The following BBS9 variants were observed in gnomAD, a reference collection of about 807,000 sequenced individuals.
The protein encoded by BBS9 is Bardet-Biedl syndrome 9.
Under a neutral mutation model 117.7 loss-of-function variants are expected in BBS9, and 89 were observed. The observed-to-expected ratio is 0.76, with a 90% CI of 0.64 to 0.90. BBS9 has a LOEUF of 0.90. Among genes scored for constraint, BBS9 ranks in the 40% least tolerant of loss-of-function variants. The pLI is 0.00. For missense variants in BBS9, 982 were observed against 1,042.2 expected, an observed-to-expected ratio of 0.94 and a Z score of 0.80; for synonymous variants, 379 against 370.9, an observed-to-expected ratio of 1.02 and a Z score of -0.25.
At position 33,273,200 on chromosome 7, in the gene BBS9, G is replaced by C; in HGVS notation, c.886+5G>C. The stretch of plus-strand genomic sequence containing the variant: ...GTTTTCTGCCATATTGCTCAGGTGT[G>C]TAGAAAGATTTTCTTTTATCTCTTC... On this transcript the variant is annotated splice_donor_5th_base_variant and intron_variant, in intron 8 of 22. Transcript: ENST00000242067. 1 of 1,613,516 alleles carries C rather than the reference G, an allele frequency of 6.2e-7. No individual in the cohort carries two copies. The highest frequency in any genetic ancestry group is 8.5e-7 in the Non-Finnish European group (1 of 1,179,644).
downstream of BBS9, among the ~76,000 whole-genome samples, chr7:33,611,017 C>T (rs543809020): frequency 2.0e-5 from 3 of 151,986 alleles, no homozygotes; most frequent in Admixed American, 1.3e-4. Context: ...GCTGAAGGGT[C>T]GGTTTTAGAT....
At position 33,534,010 on chromosome 7, in the gene BBS9, G is replaced by C. The variant is rs1403362656; in HGVS notation, c.2355G>C (p.Ser785=). The C allele has an allele frequency of 1.9e-6, 3 of 1,614,058 alleles. No homozygotes were observed. Among genetic ancestry groups the C allele is most frequent in the African/African-American group, 1.3e-5 (1 of 74,924 alleles). ...CCCACCTGTTGAAGACTTGCCTGTC[G>C]AAGAGTTCTAAGGAGCAGGCTTTGA... is the stretch of plus-strand genomic sequence containing the variant. The part of the protein sequence containing the change: ...AISHLLKTCL[S]KSSKEQALNL... Residue 785 remains serine (S), a synonymous_variant, in exon 21 of 23, where the codon TCG becomes TCC. Transcript: ENST00000242067.
chr7:33,561,677 C>T (rs1039418035), intron 21 of BBS9, among the ~76,000 whole-genome samples: 6 of 151,406 alleles, frequency 4.0e-5, no homozygotes, highest in Non-Finnish European at 7.4e-5. Flanking sequence ...GAGAATTAAA[C>T]GGAGTCAAAA....
chr7:33,420,743 G>A (rs555492789), intron 19 of BBS9, among the ~76,000 whole-genome samples: 21 of 152,164 alleles, frequency 1.4e-4, no homozygotes, highest in Non-Finnish European at 1.6e-4. Context: ...CAAAAGAAGC[G>A]GTCATTCCAG....
chr7:33,327,156 A>T (rs1813025843), intron 9 of BBS9, among the ~76,000 whole-genome samples: 1 of 152,130 alleles, frequency 6.6e-6, no homozygotes, highest in Non-Finnish European at 1.5e-5. Flanking sequence ...TCAGTTTCCT[A>T]CCACTTGGAT....
chr7:33,594,714 A>C (rs1024465602), intron 21 of BBS9, among the ~76,000 whole-genome samples: 5 of 152,118 alleles, frequency 3.3e-5, no homozygotes, highest in Non-Finnish European at 7.4e-5. Context: ...AATGGTGTCA[A>C]CCTGATTCAC....
chr7:33,634,222 A>G (rs1866036796), intron 21 of BBS9, among the ~76,000 whole-genome samples: 1 of 152,164 alleles, frequency 6.6e-6, no homozygotes, highest in South Asian at 2.1e-4. Context: ...ACAAGGCTCA[A>G]TTTTGGCTAA....
chr7:33,525,055 G>A (rs200127662), intron 20 of BBS9, among the ~76,000 whole-genome samples: 31,849 of 151,310 alleles, frequency 0.21, 4,066 homozygotes, highest in East Asian at 0.43. Context: ...GTAGTTGAGC[G>A]GTTTTGAGTG....
In BBS9 at chr7:33,556,020, T is replaced by A. The variant is rs188780990; in HGVS notation, c.2521+21844T>A. ...GTGGGTACAAAATACATGATTACTA[T>A]TTTTGTTTATCTAACTGATCACACT... On this transcript the variant is annotated intron_variant, in intron 21 of 22. Transcript: ENST00000242067. 7.1e-4 allele frequency among the ~76,000 whole-genome samples: 108 copies of A among 152,308 alleles called. 1 individual carries two copies. The South Asian group carries it at 0.015, about 21-fold the overall frequency.
chr7:33,438,142 T>TA lies in BBS9; in HGVS notation c.2115+50004dup, dbSNP rs1315220412. Among the ~76,000 whole-genome samples, 4 of 152,244 alleles carry TA rather than the reference T, an allele frequency of 2.6e-5. No individual in the cohort carries two copies. The East Asian group carries it at 5.8e-4, about 22-fold the overall frequency. On this transcript the variant is annotated intron_variant, in intron 19 of 22. Coordinates refer to ENST00000242067, the MANE Select transcript of BBS9 (RefSeq NM_198428.3). The stretch of plus-strand genomic sequence containing the variant: ...ACTAAACCAATTGGCTATCTATATA[T>TA]AAAAAATGCAATTGGATCCTTACCT...
intron 9 of BBS9, among the ~76,000 whole-genome samples, chr7:33,287,994 G>A (rs1803221392): frequency 6.6e-6 from 1 of 152,102 alleles, no homozygotes; most frequent in South Asian, 2.1e-4. Context: ...AGCTGCACAG[G>A]TAAGAAAGGA....
chr7:33,140,525 T>A (rs1477156721), intron 1 of BBS9, among the ~76,000 whole-genome samples: 1 of 152,166 alleles, frequency 6.6e-6, no homozygotes, highest in Non-Finnish European at 1.5e-5. Flanking sequence ...ATTTCAAGTG[T>A]GAATTTGGGT....
downstream of BBS9, among the ~76,000 whole-genome samples, chr7:33,607,214 A>G (rs1434246824): frequency 6.6e-6 from 1 of 152,264 alleles, no homozygotes; most frequent in African/African-American, 2.4e-5. Flanking sequence ...AAAGAAGTCA[A>G]CAAGTCATAG....
In BBS9 at chr7:33,143,055, T is replaced by G. The variant is rs10237088; in HGVS notation, c.-11-3187T>G. On this transcript the variant is annotated intron_variant, in intron 1 of 22. Transcript: ENST00000242067. Reference sequence around the variant, plus strand: ...CGCGATCTCGGCTCACTGCAACCTCTGCCTCCCAGGTTCATGGCATTCTCT... The same window carrying G: ...CGCGATCTCGGCTCACTGCAACCTCGGCCTCCCAGGTTCATGGCATTCTCT... Among the ~76,000 whole-genome samples, 29 of 152,060 alleles carry G rather than the reference T, an allele frequency of 1.9e-4. No individual in the cohort carries two copies. The East Asian group carries it at 5.6e-3, about 29-fold the overall frequency.
chr7:33,352,959 T>C (rs1584459964), intron 15 of BBS9, 86 bp downstream of exon 15: 1 of 1,379,646 alleles, frequency 7.2e-7, no homozygotes, highest in East Asian at 2.3e-5. Flanking sequence ...GAATGAACTC[T>C]TTTTATGGAC....
chr7:33,591,123 G>A (rs1861846694), intron 21 of BBS9, among the ~76,000 whole-genome samples: 1 of 152,030 alleles, frequency 6.6e-6, no homozygotes, highest in Non-Finnish European at 1.5e-5. Flanking sequence ...ATCCTGGAAG[G>A]ATGTGGTGGA....
chr7:33,540,487 T>A (rs1852114946), intron 21 of BBS9, among the ~76,000 whole-genome samples: 1 of 152,188 alleles, frequency 6.6e-6, no homozygotes, highest in Admixed American at 6.5e-5. Context: ...TAACTATCCC[T>A]GCGTGTTAGA....
At chr7:33,598,901 T>C (rs565837747) in intron 21 of BBS9, among the ~76,000 whole-genome samples, 3 of 152,216 alleles carry the variant, frequency 2.0e-5, no homozygotes, top group Non-Finnish European at 2.9e-5. Flanking sequence ...AAACTACTTA[T>C]GGCCCACAGG....
At chr7:33,455,285 GA>G (rs1427249957) in intron 19 of BBS9, among the ~76,000 whole-genome samples, 23 of 152,104 alleles carry the variant, frequency 1.5e-4, no homozygotes, top group Non-Finnish European at 3.1e-4. Flanking sequence ...GAACACGTAA[GA>G]CACAAAGTCC....
Sources: gnomAD v4.1 joint callset for allele counts (sites outside exome capture counted in the v4.1 genomes callset) on GRCh38, gnomAD v4.1.1 for gene constraint, MANE v1.5 for transcripts, NCBI Gene and HGNC (gene_info 2026-07-23, HGNC 2026-07-21) for gene names.